Variants in METTL15 observed in about 807,000 individuals in gnomAD.
METTL15 encodes methyltransferase 15, mitochondrial 12S rRNA N4-cytidine.
In METTL15, 34 loss-of-function variants were observed where a neutral mutation model predicts 38.3. The ratio of observed to expected loss-of-function variants is 0.89; its 90% CI spans 0.68 to 1.18. METTL15 has a LOEUF of 1.18. Ranked by LOEUF, METTL15 falls within the 50% of genes most tolerant of loss-of-function variation. The pLI is 0.00. For missense variants in METTL15, 438 were observed against 498.4 expected (o/e 0.88, Z 1.15); for synonymous variants, 162 against 170.9 (o/e 0.95, Z 0.41).
chr11:28,361,566 A>G (rs1850138909), intron 4 of METTL15, among the ~76,000 whole-genome samples: 1 of 152,162 alleles, frequency 6.6e-6, no homozygotes, highest in South Asian at 2.1e-4. Flanking sequence ...CTCTTACTCT[A>G]GCTAGATTTG....
At chr11:28,206,360 G>A (rs1166282130) in intron 3 of METTL15, among the ~76,000 whole-genome samples, 5 of 151,762 alleles carry the variant, frequency 3.3e-5, no homozygotes, top group Non-Finnish European at 5.9e-5. Context: ...TTTATTAAAT[G>A]GGGAATCCTT....
intron 6 of METTL15, among the ~76,000 whole-genome samples, chr11:28,513,900 G>C (rs909020828): frequency 6.6e-6 from 1 of 152,234 alleles, no homozygotes. Flanking sequence ...ACCTTCTAGC[G>C]TGGGCATTAT....
intron 6 of METTL15, among the ~76,000 whole-genome samples, chr11:28,466,978 A>G (rs1219219817): frequency 1.3e-5 from 2 of 152,186 alleles, no homozygotes; most frequent in African/African-American, 4.8e-5. Flanking sequence ...TTAAACCTGG[A>G]GTCCTTTTTG....
intron 4 of METTL15, among the ~76,000 whole-genome samples, chr11:28,273,461 G>T (rs1855724621): frequency 1.3e-5 from 2 of 151,996 alleles, no homozygotes; most frequent in South Asian, 4.1e-4. Flanking sequence ...TGTAGGGTTT[G>T]AATTAAAAGA....
At chr11:28,296,275 C>A (rs563347252) in intron 5 of METTL15, among the ~76,000 whole-genome samples, 1 of 152,204 alleles carries the variant, frequency 6.6e-6, no homozygotes, top group Admixed American at 6.5e-5. Flanking sequence ...TTGCTAAGTT[C>A]AATTTGTGTC....
chr11:28,319,580 T>C (rs1257547295), intron 6 of METTL15, among the ~76,000 whole-genome samples: 5 of 152,118 alleles, frequency 3.3e-5, no homozygotes, highest in African/African-American at 1.2e-4. Context: ...CCCCTCAGTT[T>C]GGTACCTTTG....
chr11:28,206,008 C>A (rs1852325351), intron 3 of METTL15, among the ~76,000 whole-genome samples: 1 of 140,226 alleles, frequency 7.1e-6, no homozygotes, highest in East Asian at 2.1e-4. Flanking sequence ...TGGATATTAG[C>A]CCTTTGTCAG....
intron 3 of METTL15, among the ~76,000 whole-genome samples, chr11:28,185,484 T>G (rs902594083): frequency 6.6e-6 from 1 of 151,458 alleles, no homozygotes; most frequent in African/African-American, 2.4e-5. Context: ...TATATACAAA[T>G]CATCTTCAAA....
intron 5 of METTL15, among the ~76,000 whole-genome samples, chr11:28,413,061 A>G (rs1850742499): frequency 6.6e-6 from 1 of 152,098 alleles, no homozygotes; most frequent in Non-Finnish European, 1.5e-5. Flanking sequence ...AATAAAATTC[A>G]TTAAAAGTTT....
downstream of METTL15, among the ~76,000 whole-genome samples, chr11:28,337,330 C>G (rs1849909853): frequency 6.6e-6 from 1 of 151,782 alleles, no homozygotes; most frequent in East Asian, 1.9e-4. Flanking sequence ...GTGATGGGAT[C>G]ACAGCTTGTT....
chr11:28,200,457 C>T (rs1179112691), intron 3 of METTL15, among the ~76,000 whole-genome samples: 2 of 152,106 alleles, frequency 1.3e-5, no homozygotes, highest in African/African-American at 2.4e-5. Flanking sequence ...ATAAATGTAA[C>T]ATACATAGTC....
intron 1 of METTL15, among the ~76,000 whole-genome samples, chr11:28,109,944 A>G (rs1245587833): frequency 6.6e-6 from 1 of 152,348 alleles, no homozygotes; most frequent in East Asian, 1.9e-4. Flanking sequence ...TTCTAAACAT[A>G]GAGCTAATGA....
At chr11:28,407,762 C>T (rs755043987) in intron 5 of METTL15, among the ~76,000 whole-genome samples, 1 of 152,046 alleles carries the variant, frequency 6.6e-6, no homozygotes, top group South Asian at 2.1e-4. Flanking sequence ...TCCTGAAAGA[C>T]CGAGAACCAG....
intron 4 of METTL15, among the ~76,000 whole-genome samples, chr11:28,354,645 C>T (rs531128183): frequency 6.6e-6 from 1 of 152,098 alleles, no homozygotes; most frequent in Admixed American, 6.5e-5. Context: ...CTACTTAGTT[C>T]AGCTCATTCA....
At chr11:28,305,405 A>T (rs560134918) in intron 6 of METTL15, among the ~76,000 whole-genome samples, 6 of 152,184 alleles carry the variant, frequency 3.9e-5, no homozygotes, top group Non-Finnish European at 8.8e-5. Context: ...ATTATGTGAA[A>T]TCATTTTCTT....
chr11:28,172,037 G>A (rs1850878027), intron 3 of METTL15, among the ~76,000 whole-genome samples: 1 of 152,124 alleles, frequency 6.6e-6, no homozygotes, highest in Non-Finnish European at 1.5e-5. Context: ...TTGGGCTCAA[G>A]CAGTTCTCCT....
chr11:28,422,679 A>G (rs993126952), intron 5 of METTL15, among the ~76,000 whole-genome samples: 1 of 152,016 alleles, frequency 6.6e-6, no homozygotes, highest in East Asian at 1.9e-4. Context: ...ATCCCTTGCC[A>G]TATACAAAAA....
chr11:28,385,972 A>G (rs570081896), intron 5 of METTL15, among the ~76,000 whole-genome samples: 36 of 152,250 alleles, frequency 2.4e-4, no homozygotes, highest in African/African-American at 7.9e-4. Flanking sequence ...AATACATATA[A>G]CAAACAAAGT....
intron 3 of METTL15, among the ~76,000 whole-genome samples, chr11:28,171,510 G>T (rs1036063843): frequency 3.3e-5 from 5 of 152,092 alleles, no homozygotes; most frequent in African/African-American, 9.7e-5. Context: ...TGTCTTAATT[G>T]TAGGTAATTC....
Sources: allele counts gnomAD v4.1 joint callset (sites outside exome capture counted in the v4.1 genomes callset), GRCh38; gene constraint gnomAD v4.1.1; transcripts MANE v1.5; gene names NCBI Gene and HGNC (gene_info 2026-07-23, HGNC 2026-07-21).